The following SORCS3 variants were observed in gnomAD, a reference collection of about 807,000 sequenced individuals.
The protein encoded by SORCS3 is sortilin related VPS10 domain containing receptor 3, also known as VPS10 domain-containing receptor SorCS3.
In SORCS3, 57 loss-of-function variants were observed where a neutral mutation model predicts 146.3. The observed-to-expected ratio is 0.39, with a 90% CI of 0.31 to 0.49. The LOEUF (loss-of-function observed/expected upper bound fraction) is 0.49, where lower values mean the gene tolerates loss of function less well. Among genes scored for constraint, SORCS3 ranks in the 20% least tolerant of loss-of-function variants. The pLI is 0.92. For synonymous variants in SORCS3, 653 were observed against 618.5 expected (o/e 1.06, Z -0.83); for missense variants, 1,341 against 1,575.5 (o/e 0.85, Z 2.52).
In SORCS3 at chr10:104,826,618, A is replaced by G. The variant is rs61867302; in HGVS notation, c.628-16174A>G. Among the ~76,000 whole-genome samples the G allele has an allele frequency of 9.8e-5, 15 of 152,368 alleles. 1 individual carries two copies. The East Asian group carries it at 2.7e-3, about 27-fold the overall frequency. On this transcript the variant is annotated intron_variant, in intron 1 of 26. Transcript: ENST00000369701. ...TTACCCGAGCCTTTAGTGAGAAATC[A>G]TCTTTTTTGCTGGTAGAGGGTCTTG...
At chr10:105,161,442 C>G (rs1488957281) in intron 11 of SORCS3, among the ~76,000 whole-genome samples, 1 of 152,132 alleles carries the variant, frequency 6.6e-6, no homozygotes, top group African/African-American at 2.4e-5. Context: ...ACCCTGGGCT[C>G]TCTCCACTCC....
chr10:105,056,508 A>G (rs758361637), intron 5 of SORCS3, among the ~76,000 whole-genome samples: 3 of 152,224 alleles, frequency 2.0e-5, no homozygotes, highest in African/African-American at 7.2e-5. Context: ...GGACTTGTCT[A>G]TCTTGGTAAT....
chr10:104,944,903 T>C (rs2133621284), intron 3 of SORCS3, among the ~76,000 whole-genome samples: 1 of 152,266 alleles, frequency 6.6e-6, no homozygotes, highest in South Asian at 2.1e-4. Context: ...ACAAGAAAGG[T>C]CATAGCAATA....
At chr10:105,087,487 GAA>G (rs59554883) in intron 5 of SORCS3, among the ~76,000 whole-genome samples, 5 of 142,220 alleles carry the variant, frequency 3.5e-5, no homozygotes, top group African/African-American at 5.2e-5. Flanking sequence ...TCTCTTCTGG[GAA>G]AAAAAAAAAA....
intron 22 of SORCS3, among the ~76,000 whole-genome samples, chr10:105,250,075 G>T (rs1554890280): frequency 6.6e-6 from 1 of 152,112 alleles, no homozygotes; most frequent in Non-Finnish European, 1.5e-5. Flanking sequence ...TTGATGTCTG[G>T]TGAAAGCCAC....
intron 25 of SORCS3, among the ~76,000 whole-genome samples, chr10:105,258,595 C>T (rs1467677827): frequency 6.6e-6 from 1 of 152,164 alleles, no homozygotes; most frequent in Non-Finnish European, 1.5e-5. Flanking sequence ...AGTAAGGATA[C>T]TTAAGGATCA....
intron 1 of SORCS3, among the ~76,000 whole-genome samples, chr10:104,745,446 A>G (rs922133690): frequency 6.6e-6 from 1 of 152,226 alleles, no homozygotes; most frequent in African/African-American, 2.4e-5. Context: ...TATTTTAAGT[A>G]TGTGAAATAT....
At chr10:104,945,341 TCCACCTCCTGG>T (rs2019359560) in intron 3 of SORCS3, among the ~76,000 whole-genome samples, 1 of 152,136 alleles carries the variant, frequency 6.6e-6, no homozygotes, top group Non-Finnish European at 1.5e-5. Flanking sequence ...CACTGCAACC[TCCACCTCCTGG>T]GTTTAAGTGA....
intron 2 of SORCS3, among the ~76,000 whole-genome samples, chr10:104,848,129 C>T (rs892333196): frequency 4.6e-5 from 7 of 152,102 alleles, no homozygotes; most frequent in Non-Finnish European, 8.8e-5. Context: ...GATTTGGAGA[C>T]CTGACGAAAG....
intron 8 of SORCS3, 21 bp downstream of exon 8, chr10:105,139,507 G>T: frequency 6.3e-7 from 1 of 1,591,146 alleles, no homozygotes; most frequent in South Asian, 1.1e-5. Flanking sequence ...CACCACTAGC[G>T]GTCCTGGGTC....
chr10:105,164,394 T>G lies in SORCS3; in HGVS notation c.1809+15T>G. On this transcript the variant is annotated intron_variant, in intron 12 of 26. Transcript: ENST00000369701. ...CATGGAGACAGGTAACTGGGTGAATTGACAAAAAGGGAGGAGGCATTTAGA... is the reference window on the plus strand; with the variant it reads ...CATGGAGACAGGTAACTGGGTGAATGGACAAAAAGGGAGGAGGCATTTAGA... 6.3e-7 allele frequency: 1 copy of G among 1,582,764 alleles called. No homozygotes were observed. Among genetic ancestry groups the G allele is most frequent in the Non-Finnish European group, 8.7e-7 (1 of 1,151,834 alleles).
intron 1 of SORCS3, among the ~76,000 whole-genome samples, chr10:104,785,560 A>G (rs2017424614): frequency 9.8e-6 from 1 of 101,824 alleles, no homozygotes; most frequent in African/African-American, 4.1e-5. Context: ...TCTGTGAGAA[A>G]CACCCAAGAA....
chr10:104,771,461 T>A (rs956032172), intron 1 of SORCS3, among the ~76,000 whole-genome samples: 3 of 152,168 alleles, frequency 2.0e-5, no homozygotes, highest in African/African-American at 7.2e-5. Context: ...GCAGAAGATG[T>A]GCCCATCACA....
chr10:105,029,410 ATG>A (rs1271486669), intron 4 of SORCS3, among the ~76,000 whole-genome samples: 1 of 152,252 alleles, frequency 6.6e-6, no homozygotes, highest in Non-Finnish European at 1.5e-5. Flanking sequence ...TCTTTGCTTA[ATG>A]CACAGACCAT....
At chr10:104,925,085 G>C (rs1382108513) in intron 3 of SORCS3, among the ~76,000 whole-genome samples, 1 of 152,044 alleles carries the variant, frequency 6.6e-6, no homozygotes, top group Non-Finnish European at 1.5e-5. Flanking sequence ...ACAGGCCCCA[G>C]TGTGTGATGT....
At chr10:105,168,535 C>G (rs1357854072) in intron 13 of SORCS3, among the ~76,000 whole-genome samples, 2 of 152,198 alleles carry the variant, frequency 1.3e-5, no homozygotes, top group African/African-American at 4.8e-5. Context: ...GTCGGATTCA[C>G]ATGGGCAGCA....
At chr10:104,922,451 A>G (rs1231920350) in intron 3 of SORCS3, among the ~76,000 whole-genome samples, 1 of 152,146 alleles carries the variant, frequency 6.6e-6, no homozygotes, top group Non-Finnish European at 1.5e-5. Context: ...CTAGGTCTCA[A>G]ATTCGGATGC....
chr10:105,055,688 T>G (rs946249451), intron 5 of SORCS3, among the ~76,000 whole-genome samples: 2 of 152,202 alleles, frequency 1.3e-5, no homozygotes, highest in African/African-American at 2.4e-5. Flanking sequence ...ACTTTGAAAC[T>G]AAGCAAGTTA....
intron 3 of SORCS3, among the ~76,000 whole-genome samples, chr10:104,947,614 G>C (rs533174338): frequency 6.6e-6 from 1 of 151,142 alleles, no homozygotes; most frequent in Non-Finnish European, 1.5e-5. Flanking sequence ...TGTATTTTTT[G>C]TTTGTTTGTT....
Sources: gnomAD v4.1 joint callset for allele counts (sites outside exome capture counted in the v4.1 genomes callset) on GRCh38, gnomAD v4.1.1 for gene constraint, MANE v1.5 for transcripts, NCBI Gene and HGNC (gene_info 2026-07-23, HGNC 2026-07-21) for gene names.